Variants in PPFIA2 observed in about 807,000 individuals in gnomAD.
PPFIA2 encodes the protein PPFI scaffold protein A2.
In PPFIA2, 46 loss-of-function variants were observed where a neutral mutation model predicts 175.5. That is an observed-to-expected ratio of 0.26 (90% CI 0.21 to 0.34). PPFIA2 has a LOEUF of 0.34. PPFIA2 is among the 10% of genes least tolerant of loss of function. The probability of loss-of-function intolerance (pLI) is 1.00; values close to 1 mark genes in which losing one functional copy is unlikely to be tolerated. For synonymous variants in PPFIA2, 568 were observed against 511.4 expected (o/e 1.11, Z -1.49); for missense variants, 1,179 against 1,506.1 (o/e 0.78, Z 3.60).
chr12:81,605,424 G>A (rs1458463143), intron 4 of PPFIA2, among the ~76,000 whole-genome samples: 1 of 151,660 alleles, frequency 6.6e-6, no homozygotes, highest in Non-Finnish European at 1.5e-5. Flanking sequence ...AAAAGGGAGA[G>A]GAGAGAGGAG....
intron 4 of PPFIA2, chr12:81,473,071 C>T (rs1375482641): frequency 6.6e-6 from 1 of 152,160 alleles, no homozygotes; most frequent in African/African-American, 2.4e-5. Context: ...ATGGAACAAG[C>T]CTTGTAAGTA....
At chr12:81,586,941 C>T (rs930393166) in intron 4 of PPFIA2, among the ~76,000 whole-genome samples, 1 of 152,020 alleles carries the variant, frequency 6.6e-6, no homozygotes, top group African/African-American at 2.4e-5. Flanking sequence ...TCCATCTTTA[C>T]TGGAAGTAAA....
chr12:81,597,276 A>C (rs2059350749), intron 4 of PPFIA2, among the ~76,000 whole-genome samples: 1 of 152,070 alleles, frequency 6.6e-6, no homozygotes, highest in Non-Finnish European at 1.5e-5. Context: ...TTCTAGACTG[A>C]TGGCTGATTT....
At chr12:81,332,170 T>C (rs1253164792) in intron 21 of PPFIA2, among the ~76,000 whole-genome samples, 1 of 152,004 alleles carries the variant, frequency 6.6e-6, no homozygotes, top group African/African-American at 2.4e-5. Context: ...ACTCAGATCA[T>C]CTTATTTCTG....
At chr12:81,393,132 T>G (rs756325297) in intron 8 of PPFIA2, among the ~76,000 whole-genome samples, 1 of 152,044 alleles carries the variant, frequency 6.6e-6, no homozygotes, top group South Asian at 2.1e-4. Flanking sequence ...AATATTCCCA[T>G]GATAAATGTT....
intron 10 of PPFIA2, 190 bp downstream of exon 10, chr12:81,375,606 A>G: frequency 1.6e-6 from 1 of 629,038 alleles, no homozygotes; most frequent in East Asian, 2.9e-5. Flanking sequence ...ATTACTATTA[A>G]GATAAATAAT....
At chr12:81,588,596 CTCCATA>C (rs774890212) in intron 4 of PPFIA2, among the ~76,000 whole-genome samples, 7 of 152,082 alleles carry the variant, frequency 4.6e-5, no homozygotes, top group Non-Finnish European at 1.0e-4. Flanking sequence ...ACGGCTCCTT[CTCCATA>C]TTCATCTCTC....
chr12:81,271,381 C>T lies in PPFIA2; in HGVS notation c.3311-3294G>A, dbSNP rs2039050834. Among the ~76,000 whole-genome samples, 3 of 152,290 alleles carry T rather than the reference C, an allele frequency of 2.0e-5. No individual in the cohort carries two copies. The East Asian group carries it at 5.8e-4, about 29-fold the overall frequency. ...TGCCTCCAAGGTTCAAGCGATTCTC[C>T]TGCCTCACCCTCCCAAGTAGCTGGG... On this transcript the variant is annotated intron_variant, in intron 28 of 32. Transcript: ENST00000549396.
At chr12:81,570,096 C>A (rs1328523718) in intron 4 of PPFIA2, among the ~76,000 whole-genome samples, 1 of 152,162 alleles carries the variant, frequency 6.6e-6, no homozygotes, top group Non-Finnish European at 1.5e-5. Context: ...TATTTTCCAA[C>A]CTATGCTCAT....
chr12:81,343,930 A>G lies in PPFIA2; in HGVS notation c.2262+734T>C, dbSNP rs538551050. Among the ~76,000 whole-genome samples the G allele has an allele frequency of 4.6e-5, 7 of 152,222 alleles. No homozygotes were observed. In the South Asian group the frequency reaches 1.5e-3, roughly 32 times the overall value. The stretch of plus-strand genomic sequence containing the variant: ...ACCTATAAGTACACCTTTCACATGC[A>G]AACCAAACAACTCACAGCCCATACT... On this transcript the variant is annotated intron_variant, in intron 19 of 32. Transcript: ENST00000549396.
intron 7 of PPFIA2, among the ~76,000 whole-genome samples, chr12:81,421,197 G>C (rs1171136947): frequency 6.6e-6 from 1 of 152,028 alleles, no homozygotes; most frequent in Non-Finnish European, 1.5e-5. Flanking sequence ...ACAAAAACAT[G>C]CTGAGTAGCA....
chr12:81,324,881 G>T (rs904103022), intron 22 of PPFIA2, among the ~76,000 whole-genome samples: 1 of 151,946 alleles, frequency 6.6e-6, no homozygotes, highest in African/African-American at 2.4e-5. Context: ...TCTGCAACTT[G>T]TAAGTATATA....
intron 4 of PPFIA2, among the ~76,000 whole-genome samples, chr12:81,666,146 C>A (rs1429134851): frequency 6.6e-6 from 1 of 152,148 alleles, no homozygotes; most frequent in Non-Finnish European, 1.5e-5. Context: ...AATAGGAACA[C>A]TTCTACACTG....
chr12:81,379,019 C>T (rs967655124), intron 9 of PPFIA2, among the ~76,000 whole-genome samples: 1 of 152,038 alleles, frequency 6.6e-6, no homozygotes, highest in African/African-American at 2.4e-5. Context: ...CTATTATGTA[C>T]ACAATTAGAT....
chr12:81,563,159 A>C (rs1000571889), intron 4 of PPFIA2, among the ~76,000 whole-genome samples: 1 of 152,030 alleles, frequency 6.6e-6, no homozygotes, highest in Non-Finnish European at 1.5e-5. Flanking sequence ...TTCCTGCCCA[A>C]GTATATCAGT....
At chr12:81,605,434 G>A (rs1380703079) in intron 4 of PPFIA2, among the ~76,000 whole-genome samples, 1 of 151,460 alleles carries the variant, frequency 6.6e-6, no homozygotes, top group Non-Finnish European at 1.5e-5. Context: ...GGAGAGAGGA[G>A]GCGAGGGGAG....
At chr12:81,602,542 T>A (rs186743199) in intron 4 of PPFIA2, among the ~76,000 whole-genome samples, 3 of 152,038 alleles carry the variant, frequency 2.0e-5, no homozygotes, top group African/African-American at 7.2e-5. Context: ...ATAATAATCA[T>A]TAAATACCTT....
At chr12:81,636,585 A>G (rs1432549104) in intron 4 of PPFIA2, among the ~76,000 whole-genome samples, 1 of 151,690 alleles carries the variant, frequency 6.6e-6, no homozygotes. Context: ...TATTAAAAAA[A>G]AAAAAAGTAA....
chr12:81,276,422 AAAAATACCTT>A (rs2040545367), intron 28 of PPFIA2, among the ~76,000 whole-genome samples: 1 of 152,202 alleles, frequency 6.6e-6, no homozygotes, highest in South Asian at 2.1e-4. Flanking sequence ...TTTAAAACAA[AAAAATACCTT>A]TACCTATATC....
Sources: gnomAD v4.1 joint callset for allele counts (sites outside exome capture counted in the v4.1 genomes callset) on GRCh38, gnomAD v4.1.1 for gene constraint, MANE v1.5 for transcripts, NCBI Gene and HGNC (gene_info 2026-07-23, HGNC 2026-07-21) for gene names.